Variants in PPP6R1 observed in about 807,000 individuals in gnomAD.
PPP6R1 encodes serine/threonine-protein phosphatase 6 regulatory subunit 1.
Under a neutral mutation model 104.6 loss-of-function variants are expected in PPP6R1, and 39 were observed. That is an observed-to-expected ratio of 0.37 (90% CI 0.29 to 0.49). PPP6R1 has a LOEUF of 0.49. PPP6R1 is among the 20% of genes least tolerant of loss of function. The pLI is 0.98. For synonymous variants in PPP6R1, 549 were observed against 479.0 expected, an observed-to-expected ratio of 1.15 and a Z score of -1.91; for missense variants, 1,181 against 1,155.8, an observed-to-expected ratio of 1.02 and a Z score of -0.32.
At chr19:55,243,612 G>A (rs555082902) in intron 5 of PPP6R1, among the ~76,000 whole-genome samples, 3 of 151,982 alleles carry the variant, frequency 2.0e-5, no homozygotes, top group African/African-American at 4.8e-5. Context: ...GCTACAGTGA[G>A]GCAAGATCAC....
In PPP6R1 at chr19:55,241,167, G is replaced by A. The variant is rs2087452958; in HGVS notation, c.1161+72C>T. The A allele has an allele frequency of 4.4e-6, 2 of 450,488 alleles. No individual in the cohort carries two copies. Among genetic ancestry groups the A allele is most frequent in the Non-Finnish European group, 3.1e-6 (1 of 326,108 alleles). 27.9% of individuals were successfully genotyped at this position (450,488 alleles called of 1,614,324 possible). ...AGCCCCCAGCCGAGCCCCCACCCCA[G>A]CCCCCGAACCCTCAGCCCAGTCCAG... On this transcript the variant is annotated intron_variant, in intron 9 of 23. Transcript: ENST00000412770. The surrounding 1 kb of genome is among the most constrained non-coding windows in gnomAD (Gnocchi z 5.4).
At position 55,241,469 on chromosome 19, in the gene PPP6R1, C is replaced by A. The variant is rs1297814617; in HGVS notation, c.1008+8G>T. ...GCCTCCCCGAGGACCAGAACCCACACCCCTGACCTTGGGAGGCTCCAGCAG... is the reference window on the plus strand; with the variant it reads ...GCCTCCCCGAGGACCAGAACCCACAACCCTGACCTTGGGAGGCTCCAGCAG... On this transcript the variant is annotated splice_region_variant and intron_variant, in intron 8 of 23. Coordinates refer to ENST00000412770, the MANE Select transcript of PPP6R1 (RefSeq NM_014931.4). This position sits in a 1 kb window ranked among gnomAD's most constrained non-coding sequence, Gnocchi z 5.4. The A allele has an allele frequency of 8.1e-6, 13 of 1,603,988 alleles. No homozygotes were observed. Among genetic ancestry groups the A allele is most frequent in the Non-Finnish European group, 1.1e-5 (13 of 1,175,332 alleles).
At chr19:55,249,288 C>A (rs188436059) in intron 1 of PPP6R1, among the ~76,000 whole-genome samples, 1 of 152,172 alleles carries the variant, frequency 6.6e-6, no homozygotes, top group African/African-American at 2.4e-5. Context: ...GTTGCCCAGG[C>A]TGGAATGCAG....
At position 55,229,793 on chromosome 19, in the gene PPP6R1, CCTTT is replaced by C. The variant is rs1300068706; in HGVS notation, c.*731_*734del. On this transcript the variant is annotated 3_prime_UTR_variant, in exon 24 of 24. Coordinates refer to ENST00000412770, the MANE Select transcript of PPP6R1 (RefSeq NM_014931.4). The stretch of plus-strand genomic sequence containing the variant: ...GACCAGCAGAATCGTAAACTGCCTT[CCTTT>C]ATTTATATTTGCAATATGAAATAGA... 3.9e-5 allele frequency: 6 copies of C among 152,770 alleles called. No individual in the cohort carries two copies. Among genetic ancestry groups the C allele is most frequent in the African/African-American group, 1.2e-4 (5 of 41,482 alleles). The allele number at this position is 152,770 out of a possible 1,614,324, so 9.5% of individuals were successfully genotyped here. A position where few individuals can be genotyped will look rare whatever the true frequency, so the allele number is the denominator to read the frequency against.
intron 5 of PPP6R1, 148 bp from the exon 6 acceptor site, chr19:55,242,636 G>A (rs2087469267): frequency 1.5e-6 from 1 of 681,678 alleles, no homozygotes; most frequent in Non-Finnish European, 2.6e-6. Context: ...GGAGGGCACA[G>A]AGGCACCAAC....
chr19:55,240,680 C>T (rs1054458128), intron 10 of PPP6R1, among the ~76,000 whole-genome samples: 1 of 151,640 alleles, frequency 6.6e-6, no homozygotes, highest in Non-Finnish European at 1.5e-5. Flanking sequence ...CACGTGTGCG[C>T]ACTCATGCAC....
At position 55,240,083 on chromosome 19, in the gene PPP6R1, C is replaced by T; in HGVS notation, c.1393G>A (p.Gly465Ser). Reference sequence around the variant, plus strand: ...GCACCGGCCACTCTTGTCAGGTGACCCATGTAGCCTTTCCGAGGGCCTCCC... The same window carrying T: ...GCACCGGCCACTCTTGTCAGGTGACTCATGTAGCCTTTCCGAGGGCCTCCC... ...CAGGPRKGYM[G>S]HLTRVAGALV... is the part of the protein sequence containing the mutation. The change falls in exon 12 of 24, where the codon GGT becomes AGT. Residue 465 changes from glycine to serine, a missense_variant. Around this residue, in one of 2 missense-constraint regions of PPP6R1, gnomAD observed 1,042 missense variants for 955.6 expected, o/e 1.09. Coordinates refer to ENST00000412770, the MANE Select transcript of PPP6R1 (RefSeq NM_014931.4). 3 of 1,598,804 alleles carry T rather than the reference C, an allele frequency of 1.9e-6. No individual in the cohort carries two copies. Among genetic ancestry groups the T allele is most frequent in the Non-Finnish European group, 2.6e-6 (3 of 1,173,950 alleles).
chr19:55,250,144 T>C (rs1370808221), intron 1 of PPP6R1, among the ~76,000 whole-genome samples: 1 of 152,172 alleles, frequency 6.6e-6, no homozygotes, highest in Non-Finnish European at 1.5e-5. Flanking sequence ...CAGGCAATGA[T>C]GTCGATGGTA....
At chr19:55,252,042 C>G (rs57905155) in intron 1 of PPP6R1, among the ~76,000 whole-genome samples, 1 of 152,136 alleles carries the variant, frequency 6.6e-6, no homozygotes, top group Admixed American at 6.5e-5. Context: ...AGGCCTCCAA[C>G]TATGTGAAGC....
At chr19:55,246,274 T>G (rs1020337080) in intron 2 of PPP6R1, among the ~76,000 whole-genome samples, 3 of 151,994 alleles carry the variant, frequency 2.0e-5, no homozygotes, top group Non-Finnish European at 4.4e-5. Flanking sequence ...CTACCAAAAA[T>G]ACAAAAATTA....
rs754022524 is a variant in PPP6R1, at chr19:55,230,801, T to A, written c.2543A>T (p.Glu848Val). Reference sequence around the variant, plus strand: ...CTGGCTTTGGGGAAGCCCCAAGGGCTCTGGGCTCTTCTCCCCTTCTGTGGT... The same window carrying A: ...CTGGCTTTGGGGAAGCCCCAAGGGCACTGGGCTCTTCTCCCCTTCTGTGGT... ...PQTTEGEKSP[E>V]PLGLPQSQSA... The change falls in exon 22 of 24, where the codon GAG becomes GTG. Residue 848 changes from glutamate (E) to valine (V), a missense_variant. Physicochemically the swap from Glu to Val is moderately radical, Grantham distance 121 (BLOSUM62 -2). Around this residue, in one of 2 missense-constraint regions of PPP6R1, gnomAD observed 1,042 missense variants for 955.6 expected, o/e 1.09. Coordinates refer to ENST00000412770, the MANE Select transcript of PPP6R1 (RefSeq NM_014931.4). 17 of 1,544,270 alleles carry A rather than the reference T, an allele frequency of 1.1e-5. 1 individual carries two copies. The South Asian group carries it at 1.9e-4, about 17-fold the overall frequency.
intron 17 of PPP6R1, 145 bp downstream of exon 17, chr19:55,236,498 G>T: frequency 1.1e-6 from 1 of 907,952 alleles, no homozygotes; most frequent in Non-Finnish European, 1.6e-6. Context: ...ACTCAAAAGT[G>T]AAAGTGCCCC....
chr19:55,233,246 T>C (rs916087210), intron 17 of PPP6R1: 7 of 152,198 alleles, frequency 4.6e-5, no homozygotes, highest in African/African-American at 1.4e-4. Flanking sequence ...AATATATCTG[T>C]ATATAGTTAA....
Position 55,230,470 on chromosome 19 carries a change from C to T in PPP6R1, c.*58G>A, listed in dbSNP as rs952214208. 1 of 1,610,372 alleles carries T rather than the reference C, an allele frequency of 6.2e-7. No individual in the cohort carries two copies. The highest frequency in any genetic ancestry group is 8.5e-7 in the Non-Finnish European group (1 of 1,178,702). ...GCCATCGTGGGACCCGCCCTGCCCCCACCCCGGGAGATCCACGGGAGGACG... is the reference window on the plus strand; with the variant it reads ...GCCATCGTGGGACCCGCCCTGCCCCTACCCCGGGAGATCCACGGGAGGACG... On this transcript the variant is annotated 3_prime_UTR_variant, in exon 24 of 24. Transcript: ENST00000412770.
At chr19:55,238,064 T>C (rs1022296621) in intron 15 of PPP6R1, among the ~76,000 whole-genome samples, 5 of 149,042 alleles carry the variant, frequency 3.4e-5, no homozygotes, top group African/African-American at 4.9e-5. Flanking sequence ...GTTTTCTTCT[T>C]TTTTTTTTTA....
intron 5 of PPP6R1, among the ~76,000 whole-genome samples, chr19:55,243,244 C>T (rs563210742): frequency 6.6e-6 from 1 of 151,982 alleles, no homozygotes; most frequent in East Asian, 1.9e-4. Context: ...GAAACCCCAT[C>T]TCTACTAAAA....
intron 1 of PPP6R1, among the ~76,000 whole-genome samples, chr19:55,258,219 G>A (rs1484367153): frequency 1.3e-5 from 2 of 152,222 alleles, no homozygotes; most frequent in Non-Finnish European, 2.9e-5. Context: ...CTAGGGTGGC[G>A]GCGGAGCTGA....
chr19:55,237,194 T>C (rs2087407833), intron 15 of PPP6R1, among the ~76,000 whole-genome samples: 1 of 152,180 alleles, frequency 6.6e-6, no homozygotes, highest in Non-Finnish European at 1.5e-5. Context: ...AAACCACTCA[T>C]TGAGGTAGGC....
At position 55,232,169 on chromosome 19, in the gene PPP6R1, G is replaced by A. The variant is rs768122943; in HGVS notation, c.2031C>T (p.Asp677=). ...CCTCCTCGTCTTCCTCCTCCTCCTC[G>A]TCCTCCTCTTCTTCGTCCTCACTGT... ...STDSEDEEEE[D]EEEEEDEEGI... Residue 677 remains aspartate, a synonymous_variant, in exon 18 of 24, where the codon GAC becomes GAT. Coordinates refer to ENST00000412770, the MANE Select transcript of PPP6R1 (RefSeq NM_014931.4). The A allele has an allele frequency of 2.5e-5, 39 of 1,569,506 alleles. No homozygotes were observed. Among genetic ancestry groups the A allele is most frequent in the African/African-American group, 4.1e-5 (3 of 73,880 alleles).
Sources: allele counts gnomAD v4.1 joint callset (sites outside exome capture counted in the v4.1 genomes callset), GRCh38; gene constraint gnomAD v4.1.1; regional missense constraint gnomAD v4.1.1; non-coding constraint Gnocchi (gnomAD v3.1); transcripts MANE v1.5; gene names NCBI Gene and HGNC (gene_info 2026-07-23, HGNC 2026-07-21).